Variants in CTSE observed in about 807,000 individuals in gnomAD.
CTSE encodes erythrocyte membrane aspartic proteinase.
CTSE carries 43 observed loss-of-function variants against 42.8 expected under a neutral mutation model. The ratio of observed to expected loss-of-function variants is 1.01; its 90% CI spans 0.79 to 1.30. The LOEUF (loss-of-function observed/expected upper bound fraction) is 1.30, where lower values mean the gene tolerates loss of function less well. Among genes scored for constraint, CTSE ranks in the 50% most tolerant of loss-of-function variants. The pLI, the probability that CTSE is intolerant of heterozygous loss-of-function variation, is 0.00. For missense variants in CTSE, 532 were observed against 493.5 expected (o/e 1.08, Z -0.74); for synonymous variants, 205 against 191.5 (o/e 1.07, Z -0.58).
chr1:206,013,191 G>A (rs968948098), intron 6 of CTSE, among the ~76,000 whole-genome samples: 7 of 152,122 alleles, frequency 4.6e-5, no homozygotes, highest in African/African-American at 9.6e-5. Context: ...CTAGCACGGC[G>A]CTAGGTATGA....
chr1:206,016,569 T>C (rs1286548451), intron 4 of CTSE, among the ~76,000 whole-genome samples: 11 of 152,072 alleles, frequency 7.2e-5, no homozygotes, highest in Admixed American at 7.2e-4. Flanking sequence ...AAAGCTTTAT[T>C]GTTTACTTTT....
chr1:206,013,984 C>T, intron 5 of CTSE, 90 bp from the exon 6 acceptor site: 1 of 1,410,604 alleles, frequency 7.1e-7, no homozygotes, highest in Non-Finnish European at 9.8e-7. Flanking sequence ...TTCTTGGTCT[C>T]ATGCCAAGCA....
At chr1:206,018,567 A>AT (rs1661324337) in intron 4 of CTSE, among the ~76,000 whole-genome samples, 1 of 151,950 alleles carries the variant, frequency 6.6e-6, no homozygotes, top group Non-Finnish European at 1.5e-5. Flanking sequence ...TTGTGGAAAG[A>AT]TTTTTTAATA....
At chr1:206,011,700 G>GTGT (rs1245269549) in intron 8 of CTSE, among the ~76,000 whole-genome samples, 2 of 151,974 alleles carry the variant, frequency 1.3e-5, no homozygotes, top group Non-Finnish European at 2.9e-5. Context: ...AAAAATTAGT[G>GTGT]TGTTGAAGTG....
rs368710122 is a variant in CTSE, at chr1:206,010,907, T to C, written c.1027-560A>G. Among the ~76,000 whole-genome samples, 3 of 152,212 alleles carry C rather than the reference T, an allele frequency of 2.0e-5. No homozygotes were observed. The East Asian group carries it at 5.8e-4, about 29-fold the overall frequency. ...TCACCTTCTCCAATCTAATTTTTAG[T>C]TTGGCAAAGACGTGCTCTACCAGGC... On this transcript the variant is annotated intron_variant, in intron 8 of 8. Coordinates refer to ENST00000358184, the MANE Select transcript of CTSE (RefSeq NM_001910.4).
At chr1:206,021,289 C>G (rs1553278366) in intron 3 of CTSE, 122 bp from the exon 4 acceptor site, 2 of 719,714 alleles carry the variant, frequency 2.8e-6, no homozygotes, top group Non-Finnish European at 4.9e-6. Context: ...TGAGTGGGGG[C>G]CCCTAGAAGC....
Position 206,013,853 on chromosome 1 carries a change from C to A in CTSE, c.704G>T (p.Gly235Val). 1.9e-6 allele frequency: 3 copies of A among 1,613,750 alleles called. No homozygotes were observed. Among genetic ancestry groups the A allele is most frequent in the Non-Finnish European group, 2.5e-6 (3 of 1,179,802 alleles). ...CCCAGAGAAATGGGAGTGGTCGTAG[C>A]CTCCAAAAATCAGCTCGCTCCCCGC... The part of the protein sequence containing the change: ...GGAGSELIFG[G>V]YDHSHFSGSL... The change falls in exon 6 of 9, where the codon GGC becomes GTC. Residue 235 changes from glycine to valine, a missense_variant. By Grantham distance (109) the Gly-to-Val change is moderately radical. Coordinates refer to ENST00000358184, the MANE Select transcript of CTSE (RefSeq NM_001910.4).
At chr1:206,022,391 G>C in intron 2 of CTSE, 124 bp from the exon 3 acceptor site, 1 of 646,200 alleles carries the variant, frequency 1.5e-6, no homozygotes, top group Non-Finnish European at 2.7e-6. Context: ...GGAGTTTACA[G>C]AGCCTAGGAA....
intron 4 of CTSE, among the ~76,000 whole-genome samples, chr1:206,017,761 G>A (rs1257322034): frequency 6.6e-6 from 1 of 152,048 alleles, no homozygotes; most frequent in Non-Finnish European, 1.5e-5. Context: ...ACAGGCGTGA[G>A]CCACTGTGCC....
chr1:206,011,387 A>G (rs1225652652), intron 8 of CTSE, among the ~76,000 whole-genome samples: 11 of 151,790 alleles, frequency 7.2e-5, no homozygotes, highest in Admixed American at 4.6e-4. Context: ...GGGGAAGGTG[A>G]GAGTGTGGGT....
At position 206,012,358 on chromosome 1, in the gene CTSE, T is replaced by A. The variant is rs142526470; in HGVS notation, c.976A>T (p.Thr326Ser). 4.3e-6 allele frequency: 7 copies of A among 1,613,896 alleles called. No homozygotes were observed. The East Asian group carries it at 1.6e-4, about 36-fold the overall frequency. The part of the protein sequence containing the change: ...NLNVMPDVTF[T>S]INGVPYTLSP... ...AGGGTATAGGGGACTCCGTTAATGG[T>A]GAAGGTGACATCCGGCATGACGTTA... The change falls in exon 8 of 9, where the codon ACC (threonine) becomes TCC (serine). Residue 326 changes from threonine (T) to serine (S), a missense_variant. Coordinates refer to ENST00000358184, the MANE Select transcript of CTSE (RefSeq NM_001910.4).
At position 206,013,839 on chromosome 1, in the gene CTSE, G is replaced by A. The variant is rs1661187691; in HGVS notation, c.718C>T (p.His240Tyr). 6.2e-7 allele frequency: 1 copy of A among 1,613,750 alleles called. No individual in the cohort carries two copies. The highest frequency in any genetic ancestry group is 8.5e-7 in the Non-Finnish European group (1 of 1,179,810). The change falls in exon 6 of 9, where the codon CAT (histidine) becomes TAT (tyrosine). Residue 240 changes from histidine (H) to tyrosine (Y), a missense_variant. His to Tyr is a moderately conservative substitution (Grantham distance 83, BLOSUM62 2). Transcript: ENST00000358184. ...ACCCAATTCAGGCTCCCAGAGAAATGGGAGTGGTCGTAGCCTCCAAAAATC... is the reference window on the plus strand; with the variant it reads ...ACCCAATTCAGGCTCCCAGAGAAATAGGAGTGGTCGTAGCCTCCAAAAATC... ...ELIFGGYDHSHFSGSLNWVPV... is the reference protein window; with the variant it reads ...ELIFGGYDHSYFSGSLNWVPV...
chr1:206,016,358 C>T (rs1661265989), intron 4 of CTSE, among the ~76,000 whole-genome samples: 1 of 152,054 alleles, frequency 6.6e-6, no homozygotes, highest in African/African-American at 2.4e-5. Flanking sequence ...CAAGAAGAGC[C>T]AGTCTCCTGA....
In CTSE at chr1:206,022,214, GAC is replaced by G; in HGVS notation, c.277_278del (p.Val93HisfsTer18). On this transcript the variant is annotated frameshift_variant, in exon 3 of 9. Transcript: ENST00000358184. LOFTEE classifies it high-confidence loss of function. The stretch of plus-strand genomic sequence containing the variant: ...GGTTGGAGGAGCCAGTGTCGAAGAT[GAC>G]AGTGAAGTTCTGTGGTGGGGAGCCA... Reference protein sequence around the residue: ...SIGSPPQNFTVIFDTGSSNLW... With the variant: ...SIGSPPQNFTXIFDTGSSNLW... The G allele has an allele frequency of 6.2e-7, 1 of 1,613,330 alleles. No homozygotes were observed. Among genetic ancestry groups the G allele is most frequent in the Non-Finnish European group, 8.5e-7 (1 of 1,179,504 alleles).
intron 3 of CTSE, among the ~76,000 whole-genome samples, chr1:206,021,788 C>A (rs192672311): frequency 6.6e-6 from 1 of 152,010 alleles, no homozygotes; most frequent in Admixed American, 6.5e-5. Context: ...CACTAGAACC[C>A]GACTCACCTC....
rs376757929 is a variant in CTSE, at chr1:206,013,767, C to T, written c.785+5G>A. 8.2e-5 allele frequency: 132 copies of T among 1,613,116 alleles called. 2 individuals are homozygous for T. Among genetic ancestry groups the T allele is most frequent in the Non-Finnish European group, 1.1e-4 (130 of 1,179,526 alleles). On this transcript the variant is annotated splice_donor_5th_base_variant and intron_variant, in intron 6 of 8. Coordinates refer to ENST00000358184, the MANE Select transcript of CTSE (RefSeq NM_001910.4). ...TACTGTCACTACTTCATGGGGAATACTCACTTATCCAGTGCAATCTGCCAG... is the reference window on the plus strand; with the variant it reads ...TACTGTCACTACTTCATGGGGAATATTCACTTATCCAGTGCAATCTGCCAG...
At chr1:206,015,147 A>G (rs1661227939) in intron 5 of CTSE, among the ~76,000 whole-genome samples, 1 of 152,150 alleles carries the variant, frequency 6.6e-6, no homozygotes. Context: ...AAAATATGTC[A>G]CATAAAATGT....
rs1661042653 is a variant in CTSE at position 206,010,088 on chromosome 1, T to G, written c.*95A>C. The stretch of plus-strand genomic sequence containing the variant: ...GTTGCAACCCTGGAAACAGCTACAT[T>G]CTCTGGAAAATAACTTTTTGTAGGT... On this transcript the variant is annotated 3_prime_UTR_variant, in exon 9 of 9. Transcript: ENST00000358184. 3 of 1,513,710 alleles carry G rather than the reference T, an allele frequency of 2.0e-6. No homozygotes were observed. Among genetic ancestry groups the G allele is most frequent in the Admixed American group, 1.7e-5 (1 of 58,962 alleles). The allele number at this position is 1,513,710 out of a possible 1,614,324, so 93.8% of individuals were successfully genotyped here. A position where few individuals can be genotyped will look rare whatever the true frequency, so the allele number is the denominator to read the frequency against.
Position 206,012,764 on chromosome 1 carries a change from A to G in CTSE, c.786-115T>C. ...CACATCAATGATTTCCACCCACCAT[A>G]TGAGTGTTCCTCAATTGTTTTCTAC... On this transcript the variant is annotated intron_variant, in intron 6 of 8. Transcript: ENST00000358184. 2.5e-6 allele frequency: 3 copies of G among 1,182,794 alleles called. 1 individual carries two copies. Among genetic ancestry groups the G allele is most frequent in the Non-Finnish European group, 3.6e-6 (3 of 823,096 alleles). The allele number at this position is 1,182,794 out of a possible 1,614,324, so 73.3% of individuals were successfully genotyped here. A position where few individuals can be genotyped will look rare whatever the true frequency, so the allele number is the denominator to read the frequency against.
Sources: gnomAD v4.1 joint callset for allele counts (sites outside exome capture counted in the v4.1 genomes callset) on GRCh38, gnomAD v4.1.1 for gene constraint, MANE v1.5 for transcripts, NCBI Gene and HGNC (gene_info 2026-07-23, HGNC 2026-07-21) for gene names.